RAP1GAP2: variants seen among roughly 807,000 people sequenced by gnomAD.
RAP1GAP2 encodes the protein rap1 GTPase-activating protein 2.
A neutral mutation model predicts 95.0 loss-of-function variants in RAP1GAP2; 27 were observed. The observed-to-expected ratio is 0.28, with a 90% confidence interval of 0.21 to 0.39. RAP1GAP2 has a LOEUF of 0.39. RAP1GAP2 is among the 10% of genes least tolerant of loss of function. The pLI is 1.00. For synonymous variants in RAP1GAP2, 373 were observed against 380.9 expected (o/e 0.98, Z 0.24); for missense variants, 771 against 970.0 (o/e 0.79, Z 2.72).
rs771736578 is a variant in RAP1GAP2 at position 2,825,040 on chromosome 17, C to T, written c.80+24490C>T. 1.3e-5 allele frequency among the ~76,000 whole-genome samples: 2 copies of T among 152,134 alleles called. No homozygotes were observed. Among genetic ancestry groups the T allele is most frequent in the Non-Finnish European group, 2.9e-5 (2 of 68,030 alleles). On this transcript the variant is annotated intron_variant, in intron 2 of 24. Transcript: ENST00000254695. This position sits in a 1 kb window ranked among gnomAD's most constrained non-coding sequence, Gnocchi z 4.1. ...GCTCACTGCAGCCTTGAACTCATGG[C>T]ACAAGCAATCTTCCTGCGTAGCTGG...
At chr17:2,938,369 C>G (rs1197767234) in intron 3 of RAP1GAP2, among the ~76,000 whole-genome samples, 1 of 152,086 alleles carries the variant, frequency 6.6e-6, no homozygotes, top group Non-Finnish European at 1.5e-5. Context: ...TCCTTTCCTT[C>G]CAAGCTGGGG....
intron 2 of RAP1GAP2, among the ~76,000 whole-genome samples, chr17:2,875,999 G>C (rs1344677666): frequency 6.6e-6 from 1 of 150,914 alleles, no homozygotes; most frequent in African/African-American, 2.4e-5. Context: ...GTGCAATGAT[G>C]CGATCTCGGC....
intron 17 of RAP1GAP2, among the ~76,000 whole-genome samples, chr17:3,013,902 T>A (rs532102505): frequency 6.6e-6 from 1 of 152,316 alleles, no homozygotes; most frequent in Admixed American, 6.5e-5. Context: ...TCAATAGATC[T>A]TGTATGTGAA....
intron 14 of RAP1GAP2, among the ~76,000 whole-genome samples, chr17:3,002,728 G>T (rs568757044): frequency 6.6e-6 from 1 of 152,184 alleles, no homozygotes; most frequent in Non-Finnish European, 1.5e-5. Flanking sequence ...TTCTGTCCAC[G>T]GAGGGGCCGG....
chr17:3,009,811 T>C (rs879354800), intron 17 of RAP1GAP2, among the ~76,000 whole-genome samples: 24 of 151,950 alleles, frequency 1.6e-4, no homozygotes, highest in Non-Finnish European at 3.2e-4. Flanking sequence ...GGAAGAGGGA[T>C]GCAGAAGAAG....
At chr17:2,886,612 C>G (rs2151683663) in intron 2 of RAP1GAP2, among the ~76,000 whole-genome samples, 1 of 152,330 alleles carries the variant, frequency 6.6e-6, no homozygotes, top group African/African-American at 2.4e-5. Context: ...GCAAAAATAA[C>G]TTTCTCTTAG....
At chr17:2,910,316 T>A (rs1459348936) in intron 3 of RAP1GAP2, among the ~76,000 whole-genome samples, 1 of 152,190 alleles carries the variant, frequency 6.6e-6, no homozygotes, top group Non-Finnish European at 1.5e-5. Flanking sequence ...GGCTGGATCC[T>A]ATATCCCAGC....
upstream of RAP1GAP2, among the ~76,000 whole-genome samples, chr17:2,795,591 C>T (rs112660707): frequency 0.026 from 4,011 of 152,256 alleles, 176 homozygotes; most frequent in African/African-American, 0.092. Flanking sequence ...CACTTGGCGG[C>T]GGGGGTGGGG....
At chr17:2,788,635 G>C (rs942167905) in intron 1 of RAP1GAP2, among the ~76,000 whole-genome samples, 27 of 152,168 alleles carry the variant, frequency 1.8e-4, no homozygotes, top group African/African-American at 6.5e-4. Context: ...TGGAGGCCGA[G>C]AAGTCCCATG....
chr17:2,938,343 G>A (rs2043368551), intron 3 of RAP1GAP2, among the ~76,000 whole-genome samples: 1 of 152,056 alleles, frequency 6.6e-6, no homozygotes, highest in Admixed American at 6.6e-5. Flanking sequence ...TTGTTTTGAG[G>A]GTTTAAAAAA....
chr17:2,889,736 G>T (rs2073625192), intron 2 of RAP1GAP2, among the ~76,000 whole-genome samples: 1 of 143,814 alleles, frequency 7.0e-6, no homozygotes, highest in Non-Finnish European at 1.5e-5. Flanking sequence ...AGGCTGGAGT[G>T]CAGTGGCACG....
intron 3 of RAP1GAP2, among the ~76,000 whole-genome samples, chr17:2,940,275 T>C (rs2151429486): frequency 6.6e-6 from 1 of 151,712 alleles, no homozygotes; most frequent in Admixed American, 6.6e-5. Context: ...GGGTGGGGGA[T>C]GTGGAGGGCA....
chr17:2,813,827 G>A (rs1457362017), intron 2 of RAP1GAP2, among the ~76,000 whole-genome samples: 3 of 152,070 alleles, frequency 2.0e-5, no homozygotes, highest in African/African-American at 7.2e-5. Context: ...GCCGGGCATG[G>A]TGGCACGTGC....
At position 2,966,300 on chromosome 17, in the gene RAP1GAP2, A is replaced by G. The variant is rs971633439; in HGVS notation, c.596+657A>G. 2.6e-5 allele frequency among the ~76,000 whole-genome samples: 4 copies of G among 152,340 alleles called. No individual in the cohort carries two copies. The South Asian group carries it at 8.3e-4, about 32-fold the overall frequency. ...ACTTGGTCCCTGTTCTCTGAAAGGC[A>G]TATGGTTTCATGAATTTAATGTGTG... On this transcript the variant is annotated intron_variant, in intron 8 of 24. Coordinates refer to ENST00000254695, the MANE Select transcript of RAP1GAP2 (RefSeq NM_015085.5).
chr17:2,948,114 G>A (rs2043774394), intron 3 of RAP1GAP2, among the ~76,000 whole-genome samples: 1 of 152,218 alleles, frequency 6.6e-6, no homozygotes, highest in Non-Finnish European at 1.5e-5. Context: ...GCCAGGCTCT[G>A]TACACGCTGG....
At chr17:2,819,926 C>G (rs1187022757) in intron 2 of RAP1GAP2, among the ~76,000 whole-genome samples, 1 of 151,740 alleles carries the variant, frequency 6.6e-6, no homozygotes, top group Non-Finnish European at 1.5e-5. Flanking sequence ...GTTGGGACTA[C>G]AGCATGCACC....
At chr17:2,804,588 C>T (rs1283370750) in intron 2 of RAP1GAP2, among the ~76,000 whole-genome samples, 1 of 152,214 alleles carries the variant, frequency 6.6e-6, no homozygotes, top group Non-Finnish European at 1.5e-5. Flanking sequence ...GAATGCACCT[C>T]CGCCTCCACG....
Position 2,871,119 on chromosome 17 carries a change from C to G in RAP1GAP2, c.81-34165C>G, listed in dbSNP as rs761793294. ...TCCAGGCATGCGCCGCCACACCTGG[C>G]TAATTTTTGTATTTTTAATAGAGAC... is the stretch of plus-strand genomic sequence containing the variant. On this transcript the variant is annotated intron_variant, in intron 2 of 24. Coordinates refer to ENST00000254695, the MANE Select transcript of RAP1GAP2 (RefSeq NM_015085.5). The surrounding 1 kb of genome is among the most constrained non-coding windows in gnomAD (Gnocchi z 5.0). Among the ~76,000 whole-genome samples, 1 of 152,112 alleles carries G rather than the reference C, an allele frequency of 6.6e-6. No individual in the cohort carries two copies. Among genetic ancestry groups the G allele is most frequent in the African/African-American group, 2.4e-5 (1 of 41,404 alleles).
intron 10 of RAP1GAP2, 28 bp from the exon 11 acceptor site, chr17:2,984,955 A>AT (rs112744093): frequency 0.18 from 268,923 of 1,530,822 alleles, 18,497 homozygotes; most frequent in Non-Finnish European, 0.19. Flanking sequence ...ACAAATGTTG[A>AT]TTTTTTTTTT....
Sources: gnomAD v4.1 joint callset for allele counts (sites outside exome capture counted in the v4.1 genomes callset) on GRCh38, gnomAD v4.1.1 for gene constraint, Gnocchi (gnomAD v3.1) non-coding constraint, MANE v1.5 for transcripts, NCBI Gene and HGNC (gene_info 2026-07-23, HGNC 2026-07-21) for gene names.